The following ASXL2 variants were observed in gnomAD, a reference collection of about 807,000 sequenced individuals.
ASXL2 encodes the protein putative Polycomb group protein ASXL2.
A neutral mutation model predicts 122.0 loss-of-function variants in ASXL2; 23 were observed. That is an observed-to-expected ratio of 0.19 (90% CI 0.14 to 0.27). ASXL2 has a LOEUF of 0.27. Ranked by LOEUF, ASXL2 falls within the 10% of genes least tolerant of loss-of-function variation. The pLI, the probability that ASXL2 is intolerant of heterozygous loss-of-function variation, is 1.00. For synonymous variants in ASXL2, 650 were observed against 637.0 expected, an observed-to-expected ratio of 1.02 and a Z score of -0.31; for missense variants, 1,518 against 1,713.8, an observed-to-expected ratio of 0.89 and a Z score of 2.02.
At chr2:25,806,538 A>C (rs10207926) in intron 3 of ASXL2, among the ~76,000 whole-genome samples, 42,109 of 152,182 alleles carry the variant, frequency 0.28, 6,144 homozygotes, top group African/African-American at 0.32. Flanking sequence ...ATGTATCTAC[A>C]AAATAGTAAT....
chr2:25,765,521 A>G (rs1266622570), intron 8 of ASXL2, among the ~76,000 whole-genome samples: 1 of 152,220 alleles, frequency 6.6e-6, no homozygotes, highest in East Asian at 1.9e-4. Flanking sequence ...CATTGTGGCT[A>G]TGTTACAAAA....
intron 1 of ASXL2, among the ~76,000 whole-genome samples, chr2:25,864,203 A>C (rs2089872746): frequency 6.6e-6 from 1 of 152,132 alleles, no homozygotes; most frequent in Admixed American, 6.5e-5. Flanking sequence ...GAACAGAGGC[A>C]AGGGCAAGAT....
At position 25,753,257 on chromosome 2, in the gene ASXL2, C is replaced by T. The variant is rs535397844; in HGVS notation, c.1142+277G>A. Among the ~76,000 whole-genome samples, 301 of 151,688 alleles carry T rather than the reference C, an allele frequency of 2.0e-3. 1 individual carries two copies. The highest frequency in any genetic ancestry group is 6.9e-3 in the African/African-American group (287 of 41,376). On this transcript the variant is annotated intron_variant, in intron 11 of 12. Coordinates refer to ENST00000435504, the MANE Select transcript of ASXL2 (RefSeq NM_018263.6). ...TGGGGTTATAGTGTGAGCCACTGCG[C>T]CCAGCTAAAAAATTTGTTTTTAAAG... is the stretch of plus-strand genomic sequence containing the variant.
intron 1 of ASXL2, among the ~76,000 whole-genome samples, chr2:25,865,301 C>T (rs1323598259): frequency 2.6e-5 from 4 of 151,584 alleles, no homozygotes; most frequent in Admixed American, 6.6e-5. Flanking sequence ...TGTGGTGGCG[C>T]GCACCTTTAA....
intron 5 of ASXL2, among the ~76,000 whole-genome samples, chr2:25,786,979 C>CAAA (rs368718510): frequency 7.2e-6 from 1 of 138,482 alleles, no homozygotes; most frequent in African/African-American, 2.7e-5. Flanking sequence ...TACAAAATGG[C>CAAA]AAAAAAAAAA....
Position 25,740,545 on chromosome 2 carries a change from C to A in ASXL2, c.*1484G>T, listed in dbSNP as rs1377416553. On this transcript the variant is annotated 3_prime_UTR_variant, in exon 13 of 13. Coordinates refer to ENST00000435504, the MANE Select transcript of ASXL2 (RefSeq NM_018263.6). Reference sequence around the variant, plus strand: ...TTTAATACAAAATTCTGTTAAACTGCAGGTTTATTTTAATGTTCCTTAACC... The same window carrying A: ...TTTAATACAAAATTCTGTTAAACTGAAGGTTTATTTTAATGTTCCTTAACC... 6 of 229,368 alleles carry A rather than the reference C, an allele frequency of 2.6e-5. No homozygotes were observed. In the East Asian group the frequency reaches 3.8e-4, roughly 14 times the overall value. The allele number at this position is 229,368 out of a possible 1,614,324, so 14.2% of individuals were successfully genotyped here.
chr2:25,785,397 T>G (rs1486537789), intron 5 of ASXL2, among the ~76,000 whole-genome samples: 2 of 151,812 alleles, frequency 1.3e-5, no homozygotes, highest in Non-Finnish European at 2.9e-5. Flanking sequence ...GCCGATTTCT[T>G]TATTTTTAGT....
rs182667417 is a variant in ASXL2, at chr2:25,867,454, T to A, written c.57+10712A>T. Among the ~76,000 whole-genome samples, 695 of 151,884 alleles carry A rather than the reference T, an allele frequency of 4.6e-3. 2 individuals carry two copies. Among genetic ancestry groups the A allele is most frequent in the South Asian group, 0.012 (59 of 4,816 alleles). On this transcript the variant is annotated intron_variant, in intron 1 of 12. Transcript: ENST00000435504. ...CTCTACAAAAAACAAAACAAAAAAA[T>A]CTTAAGTAAAGGTGTTGAAAAGCTG...
At chr2:25,861,221 A>C (rs1213671480) in intron 1 of ASXL2, among the ~76,000 whole-genome samples, 1 of 152,220 alleles carries the variant, frequency 6.6e-6, no homozygotes, top group Non-Finnish European at 1.5e-5. Context: ...ATAAGCCTCT[A>C]GCCAGGCTAA....
chr2:25,845,793 C>A (rs1457088002), intron 1 of ASXL2, among the ~76,000 whole-genome samples: 1 of 152,076 alleles, frequency 6.6e-6, no homozygotes, highest in Non-Finnish European at 1.5e-5. Context: ...ATAGCAAAGC[C>A]TACTAAATCA....
chr2:25,779,791 T>G (rs1007910203), intron 5 of ASXL2, among the ~76,000 whole-genome samples: 2 of 152,012 alleles, frequency 1.3e-5, no homozygotes, highest in African/African-American at 4.9e-5. Flanking sequence ...AAAATCATTT[T>G]AATAGGTTCT....
chr2:25,839,613 T>TG (rs2089552820), intron 2 of ASXL2, among the ~76,000 whole-genome samples: 2 of 121,516 alleles, frequency 1.6e-5, no homozygotes, highest in South Asian at 5.8e-4. Flanking sequence ...GGAAATTCTA[T>TG]CTTTTTTTTT....
At chr2:25,845,901 G>C (rs1033864073) in intron 1 of ASXL2, among the ~76,000 whole-genome samples, 3 of 152,130 alleles carry the variant, frequency 2.0e-5, no homozygotes, top group Non-Finnish European at 4.4e-5. Flanking sequence ...AGACATAGTA[G>C]GCAAAGTCCA....
rs1229580162 is a variant in ASXL2, at chr2:25,743,576, G to T, written c.2761C>A (p.Pro921Thr). Residue 921 changes from proline (P) to threonine (T), a missense_variant, in exon 13 of 13, where the codon CCA becomes ACA. This residue lies in a region of ASXL2 where 831 missense variants were observed against 833.1 expected (regional missense o/e 1.00). Coordinates refer to ENST00000435504, the MANE Select transcript of ASXL2 (RefSeq NM_018263.6). ...GGGGTTTTAAGGCTAGAAGCTGCTG[G>T]CAAAGTGCTCGAGGGTGGAGCTGAT... ...AGSAPPSSTL[P>T]AASSLKTPGT... The T allele has an allele frequency of 6.2e-7, 1 of 1,613,896 alleles. No homozygotes were observed. Among genetic ancestry groups the T allele is most frequent in the Non-Finnish European group, 8.5e-7 (1 of 1,179,900 alleles).
rs2087867394 is a variant in ASXL2, at chr2:25,743,223, G to T, written c.3114C>A (p.Leu1038=). The change falls in exon 13 of 13, where the codon CTC becomes CTA. Residue 1038 remains leucine, a synonymous_variant. Coordinates refer to ENST00000435504, the MANE Select transcript of ASXL2 (RefSeq NM_018263.6). ...QLPQVPRPLQ[L]FSAKELRDSS... ...AGTCCCTCAGCTCCTTAGCTGAAAA[G>T]AGCTGAAGGGGCCTTGGAACCTGGG... is the stretch of plus-strand genomic sequence containing the variant. 6.2e-7 allele frequency: 1 copy of T among 1,613,726 alleles called. No homozygotes were observed. Among genetic ancestry groups the T allele is most frequent in the South Asian group, 1.1e-5 (1 of 91,066 alleles).
chr2:25,875,834 C>T (rs2090005874), intron 1 of ASXL2, among the ~76,000 whole-genome samples: 1 of 152,160 alleles, frequency 6.6e-6, no homozygotes, highest in African/African-American at 2.4e-5. Context: ...TCCTATTCCT[C>T]TGGATCTAAA....
intron 3 of ASXL2, among the ~76,000 whole-genome samples, chr2:25,813,386 A>G (rs1412338686): frequency 6.6e-6 from 1 of 152,236 alleles, no homozygotes; most frequent in African/African-American, 2.4e-5. Context: ...TGACACTGCC[A>G]TGGAGATTAG....
rs1218184111 is a variant in ASXL2, at chr2:25,810,601, T to C, written c.144-4264A>G. 9.2e-6 allele frequency: 7 copies of C among 763,028 alleles called. No individual in the cohort carries two copies. The African/African-American group carries it at 1.2e-4, about 13-fold the overall frequency. 47.3% of individuals were successfully genotyped at this position (763,028 alleles called of 1,614,324 possible). Reference sequence around the variant, plus strand: ...TCTCTCCTCTGCATCATCTGCCTGCTGCTGCAGAACCTGGATATTGTGCTT... The same window carrying C: ...TCTCTCCTCTGCATCATCTGCCTGCCGCTGCAGAACCTGGATATTGTGCTT... On this transcript the variant is annotated intron_variant, in intron 3 of 12. Coordinates refer to ENST00000435504, the MANE Select transcript of ASXL2 (RefSeq NM_018263.6).
rs368969988 is a variant in ASXL2 at position 25,743,499 on chromosome 2, G to A, written c.2838C>T (p.Ile946=). The A allele has an allele frequency of 1.6e-4, 255 of 1,613,802 alleles. No individual in the cohort carries two copies. Among genetic ancestry groups the A allele is most frequent in the Non-Finnish European group, 2.1e-4 (242 of 1,179,902 alleles). Residue 946 remains isoleucine (I), a synonymous_variant, in exon 13 of 13, where the codon ATC becomes ATT. Transcript: ENST00000435504. ...GAGTCACTAAAGGATTATTAGCAGG[G>A]ATACTAGAGGTTGGTCTTAAAGTGG... ...NGPTLRPTSS[I]PANNPLVTQL...
Sources: allele counts gnomAD v4.1 joint callset (sites outside exome capture counted in the v4.1 genomes callset), GRCh38; gene constraint gnomAD v4.1.1; regional missense constraint gnomAD v4.1.1; transcripts MANE v1.5; gene names NCBI Gene and HGNC (gene_info 2026-07-23, HGNC 2026-07-21).